Variants in FBXW4 observed in about 807,000 individuals in gnomAD.
FBXW4 encodes F-box and WD repeat domain containing 4.
FBXW4 carries 40 observed loss-of-function variants against 61.8 expected under a neutral mutation model. That is an observed-to-expected ratio of 0.65 (90% CI 0.50 to 0.84). FBXW4 has a LOEUF of 0.84. FBXW4 is among the 40% of genes least tolerant of loss of function. The pLI, the probability that FBXW4 is intolerant of heterozygous loss-of-function variation, is 0.00. For missense variants in FBXW4, 672 were observed against 753.8 expected (o/e 0.89, Z 1.27); for synonymous variants, 311 against 313.8 (o/e 0.99, Z 0.10).
intron 5 of FBXW4, 104 bp from the exon 6 acceptor site, chr10:101,624,914 G>T: frequency 7.8e-7 from 1 of 1,285,538 alleles, no homozygotes; most frequent in Non-Finnish European, 1.1e-6. Context: ...GGGATTGTGG[G>T]TTAAGCCAGA....
intron 5 of FBXW4, among the ~76,000 whole-genome samples, chr10:101,647,315 T>A (rs770521797): frequency 2.6e-5 from 4 of 152,216 alleles, no homozygotes; most frequent in Non-Finnish European, 5.9e-5. Flanking sequence ...GCTGACCCTG[T>A]ACCTTCCTTG....
chr10:101,694,793 T>C lies in FBXW4; in HGVS notation c.313A>G (p.Ser105Gly). 2 of 1,337,674 alleles carry C rather than the reference T, an allele frequency of 1.5e-6. No homozygotes were observed. Among genetic ancestry groups the C allele is most frequent in the Non-Finnish European group, 9.5e-7 (1 of 1,050,480 alleles). 82.9% of individuals were successfully genotyped at this position (1,337,674 alleles called of 1,614,324 possible). Reference sequence around the variant, plus strand: ...TGTGCCTCCTTCCCGGCCCCTGCGCTCCCCTCGACTCCCTTGACGATGCCT... The same window carrying C: ...TGTGCCTCCTTCCCGGCCCCTGCGCCCCCCTCGACTCCCTTGACGATGCCT... ...ARGIVKGVEG[S>G]AGAGKEAQGR... The change falls in exon 1 of 9, where the codon AGC (serine) becomes GGC (glycine). Residue 105 changes from serine (S) to glycine (G), a missense_variant. Physicochemically the swap from Ser to Gly is moderately conservative, Grantham distance 56. Around this residue, in one of 5 missense-constraint regions of FBXW4, gnomAD observed 311 missense variants for 301.1 expected, o/e 1.03. Coordinates refer to ENST00000331272, the MANE Select transcript of FBXW4 (RefSeq NM_022039.4). This position sits in a 1 kb window ranked among gnomAD's most constrained non-coding sequence, Gnocchi z 6.0.
intron 5 of FBXW4, among the ~76,000 whole-genome samples, chr10:101,637,213 C>T (rs1289442544): frequency 2.1e-5 from 3 of 145,290 alleles, no homozygotes; most frequent in African/African-American, 7.7e-5. Flanking sequence ...GAAACCCCAT[C>T]TCTACTAAAA....
intron 5 of FBXW4, among the ~76,000 whole-genome samples, chr10:101,649,534 A>G (rs1401768022): frequency 6.6e-6 from 1 of 152,238 alleles, no homozygotes; most frequent in Non-Finnish European, 1.5e-5. Context: ...GGGAGTGCCT[A>G]TTTCCCAATG....
intron 1 of FBXW4, among the ~76,000 whole-genome samples, chr10:101,693,739 C>A (rs1185576799): frequency 5.3e-5 from 8 of 152,110 alleles, no homozygotes; most frequent in Non-Finnish European, 1.0e-4. Context: ...GTCTCAGACC[C>A]TACCAAAAAC....
chr10:101,657,772 AG>A (rs1164722752), intron 5 of FBXW4, among the ~76,000 whole-genome samples: 1 of 152,166 alleles, frequency 6.6e-6, no homozygotes, highest in African/African-American at 2.4e-5. Flanking sequence ...ACTAGTCTGA[AG>A]GAAGAGCCAA....
intron 1 of FBXW4, among the ~76,000 whole-genome samples, chr10:101,682,787 A>G (rs992212295): frequency 2.0e-4 from 30 of 152,278 alleles, no homozygotes; most frequent in African/African-American, 6.7e-4. Context: ...CTCTCCCAAG[A>G]AGAATATCAT....
intron 5 of FBXW4, among the ~76,000 whole-genome samples, chr10:101,631,994 G>A (rs536501718): frequency 7.9e-5 from 12 of 152,272 alleles, no homozygotes; most frequent in South Asian, 6.2e-4. Context: ...CCAAGGGCAG[G>A]CAGACCTGAA....
intron 1 of FBXW4, among the ~76,000 whole-genome samples, chr10:101,681,397 AAAATAATAAT>A (rs2064473881): frequency 7.0e-6 from 1 of 142,808 alleles, no homozygotes; most frequent in Non-Finnish European, 1.5e-5. Context: ...TCAAAAAAAA[AAAATAATAAT>A]AATAATAATA....
At chr10:101,638,515 A>G (rs1036010533) in intron 5 of FBXW4, among the ~76,000 whole-genome samples, 3 of 151,854 alleles carry the variant, frequency 2.0e-5, no homozygotes, top group African/African-American at 7.3e-5. Context: ...GAGTAGGATA[A>G]CGGGAGGGGA....
At chr10:101,693,881 G>A (rs991771653) in intron 1 of FBXW4, among the ~76,000 whole-genome samples, 4 of 152,108 alleles carry the variant, frequency 2.6e-5, no homozygotes, top group Admixed American at 2.0e-4. Context: ...TGGGACCGAG[G>A]GCTTCTCTTA....
Position 101,643,564 on chromosome 10 carries a change from C to A in FBXW4, c.1236-18754G>T, listed in dbSNP as rs115603008. Among the ~76,000 whole-genome samples the A allele has an allele frequency of 3.0e-3, 462 of 152,344 alleles. 5 individuals are homozygous for A. The highest frequency in any genetic ancestry group is 0.011 in the African/African-American group (449 of 41,576). On this transcript the variant is annotated intron_variant, in intron 5 of 8. Transcript: ENST00000331272. Reference sequence around the variant, plus strand: ...TCCACTTGTGCTAAGGAGCAGATAGCGGTCTGTGGGCACACATGTCCCACA... The same window carrying A: ...TCCACTTGTGCTAAGGAGCAGATAGAGGTCTGTGGGCACACATGTCCCACA...
chr10:101,663,122 C>G (rs540936410), intron 5 of FBXW4, among the ~76,000 whole-genome samples: 1 of 152,194 alleles, frequency 6.6e-6, no homozygotes, highest in Non-Finnish European at 1.5e-5. Context: ...TCTTCTGCCC[C>G]ATTCCACATG....
At chr10:101,624,931 G>C in intron 5 of FBXW4, 121 bp from the exon 6 acceptor site, 1 of 1,076,238 alleles carries the variant, frequency 9.3e-7, no homozygotes. Flanking sequence ...CAGAATGAGA[G>C]AAGTGGCCAA....
chr10:101,616,443 A>T (rs1290608420), intron 6 of FBXW4, among the ~76,000 whole-genome samples: 1 of 152,270 alleles, frequency 6.6e-6, no homozygotes, highest in African/African-American at 2.4e-5. Context: ...GAGAGAAAGA[A>T]GTCTGCAACA....
At chr10:101,618,095 C>T (rs369342554) in intron 6 of FBXW4, among the ~76,000 whole-genome samples, 16 of 152,328 alleles carry the variant, frequency 1.1e-4, no homozygotes, top group African/African-American at 3.8e-4. Flanking sequence ...GTGTGCAGGA[C>T]ACGGCTTCCT....
intron 5 of FBXW4, among the ~76,000 whole-genome samples, chr10:101,648,421 A>G (rs182205647): frequency 2.8e-4 from 42 of 152,336 alleles, no homozygotes; most frequent in Admixed American, 1.1e-3. Context: ...GATTGACTAG[A>G]CAGAACTTAG....
chr10:101,658,031 C>T (rs576772705), intron 5 of FBXW4, among the ~76,000 whole-genome samples: 62 of 152,244 alleles, frequency 4.1e-4, no homozygotes, highest in Non-Finnish European at 6.5e-4. Context: ...ATGGCACTAC[C>T]GTAATGATGA....
At chr10:101,631,373 A>G (rs1436513508) in intron 5 of FBXW4, among the ~76,000 whole-genome samples, 1 of 152,184 alleles carries the variant, frequency 6.6e-6, no homozygotes, top group East Asian at 1.9e-4. Flanking sequence ...TGATGTTCCC[A>G]AATAATACAA....
Sources: gnomAD v4.1 joint callset for allele counts (sites outside exome capture counted in the v4.1 genomes callset) on GRCh38, gnomAD v4.1.1 for gene constraint, gnomAD v4.1.1 regional missense constraint, Gnocchi (gnomAD v3.1) non-coding constraint, MANE v1.5 for transcripts, NCBI Gene and HGNC (gene_info 2026-07-23, HGNC 2026-07-21) for gene names.